CHRNA3: variants seen among roughly 807,000 people sequenced by gnomAD.
CHRNA3 encodes the protein cholinergic receptor nicotinic alpha 3 subunit.
A neutral mutation model predicts 41.9 loss-of-function variants in CHRNA3; 34 were observed. The observed-to-expected ratio is 0.81, with a 90% confidence interval of 0.62 to 1.08. The LOEUF is 1.08. Among genes scored for constraint, CHRNA3 ranks in the 50% least tolerant of loss-of-function variants. The probability of loss-of-function intolerance (pLI) is 0.00; values close to 1 mark genes in which losing one functional copy is unlikely to be tolerated. For missense variants in CHRNA3, 542 were observed against 638.3 expected, an observed-to-expected ratio of 0.85 and a Z score of 1.63; for synonymous variants, 281 against 265.2, an observed-to-expected ratio of 1.06 and a Z score of -0.58.
chr15:78,617,798 G>T (rs1227020443), intron 3 of CHRNA3, among the ~76,000 whole-genome samples: 1 of 152,200 alleles, frequency 6.6e-6, no homozygotes, highest in Admixed American at 6.5e-5. Context: ...TGGCAGAAGG[G>T]TCACCCGCAG....
At chr15:78,605,017 A>AGTC (rs10665331) in intron 4 of CHRNA3, among the ~76,000 whole-genome samples, 2 of 151,400 alleles carry the variant, frequency 1.3e-5, no homozygotes, top group Non-Finnish European at 1.5e-5. Flanking sequence ...TGTCTCAGTC[A>AGTC]ATCAATATCA....
chr15:78,595,070 C>A (rs1708536026), downstream of CHRNA3: 1 of 153,266 alleles, frequency 6.5e-6, no homozygotes, highest in Admixed American at 6.6e-5. Context: ...CAAGCCAATG[C>A]TCTTTGGAAG....
Position 78,596,058 on chromosome 15 carries a change from G to A in CHRNA3, c.*546C>T, listed in dbSNP as rs578776. 0.31 allele frequency: 303,440 copies of A among 980,552 alleles called. 51,406 individuals carry two copies. Among genetic ancestry groups the A allele is most frequent in the East Asian group, 0.79 (6,927 of 8,768 alleles). 60.7% of individuals were successfully genotyped at this position (980,552 alleles called of 1,614,324 possible). A position where few individuals can be genotyped will look rare whatever the true frequency, so the allele number is the denominator to read the frequency against. ...TGAATAACTAGGCATGATTTCTCAT[G>A]GTATAATTTAGAAGTATGCAAGAGA... On this transcript the variant is annotated 3_prime_UTR_variant, in exon 6 of 6. Transcript: ENST00000326828.
At chr15:78,615,916 A>G (rs2053454430) in intron 4 of CHRNA3, among the ~76,000 whole-genome samples, 2 of 148,752 alleles carry the variant, frequency 1.3e-5, no homozygotes, top group Admixed American at 7.0e-5. Context: ...AATTTTTTGT[A>G]TTTTTAGTAG....
rs1477287831 is a variant in CHRNA3, at chr15:78,595,979, CTGT to C, written c.*622_*624del. The C allele has an allele frequency of 2.3e-6, 2 of 882,572 alleles. No individual in the cohort carries two copies. The highest frequency in any genetic ancestry group is 1.8e-5 in the African/African-American group (1 of 54,788). The allele number at this position is 882,572 out of a possible 1,614,324, so 54.7% of individuals were successfully genotyped here. A position where few individuals can be genotyped will look rare whatever the true frequency, so the allele number is the denominator to read the frequency against. ...CCCAACCTCCAAAACTGAGAAGTTT[CTGT>C]TGTTTATAATCCACCCAGTTTATGG... On this transcript the variant is annotated 3_prime_UTR_variant, in exon 6 of 6. Transcript: ENST00000326828.
chr15:78,620,841 G>C lies in CHRNA3; in HGVS notation c.-47C>G. The stretch of plus-strand genomic sequence containing the variant: ...CGGACCCGGACGGTCGGGAGCGGGC[G>C]CGGCGGTCGCAGAGACGGCCTCTCC... On this transcript the variant is annotated 5_prime_UTR_variant, in exon 1 of 6. Transcript: ENST00000326828. 1 of 1,331,728 alleles carries C rather than the reference G, an allele frequency of 7.5e-7. No homozygotes were observed. The highest frequency in any genetic ancestry group is 9.5e-7 in the Non-Finnish European group (1 of 1,050,486). The allele number at this position is 1,331,728 out of a possible 1,614,324, so 82.5% of individuals were successfully genotyped here.
At chr15:78,620,398 G>GCAGGGCGACGGGCAGCGCGGGT in intron 1 of CHRNA3, 3 of 374,428 alleles carry the variant, frequency 8.0e-6, no homozygotes, top group Non-Finnish European at 9.4e-6. Context: ...GCAGCGCGGG[G>GCAGGGCGACGGGCAGCGCGGGT]ACGCGAATCC....
chr15:78,596,796 T>C, intron 5 of CHRNA3, 64 bp from the exon 6 acceptor site: 1 of 1,548,244 alleles, frequency 6.5e-7, no homozygotes, highest in Middle Eastern at 1.8e-4. Context: ...ACATTTTCAA[T>C]ACTGAAGATG....
chr15:78,615,549 G>T (rs187012093), intron 4 of CHRNA3, among the ~76,000 whole-genome samples: 3 of 152,146 alleles, frequency 2.0e-5, no homozygotes, highest in Non-Finnish European at 4.4e-5. Flanking sequence ...AAGCAAGCTG[G>T]TCACACAGCC....
At position 78,596,627 on chromosome 15, in the gene CHRNA3, G is replaced by A. The variant is rs200364229; in HGVS notation, c.1495C>T (p.Leu499=). 40 of 1,607,972 alleles carry A rather than the reference G, an allele frequency of 2.5e-5. No homozygotes were observed. Among genetic ancestry groups the A allele is most frequent in the Non-Finnish European group, 3.2e-5 (38 of 1,178,688 alleles). Residue 499 remains leucine (L), a synonymous_variant, in exon 6 of 6, where the codon CTG becomes TTG. Coordinates refer to ENST00000326828, the MANE Select transcript of CHRNA3 (RefSeq NM_000743.5). ...GCTTATGCATCTTCCCTGGCCATCAGGGGTTGCAGAAACAATCCTGCTGTC... is the reference window on the plus strand; with the variant it reads ...GCTTATGCATCTTCCCTGGCCATCAAGGGTTGCAGAAACAATCCTGCTGTC... ...LGTAGLFLQP[L]MAREDA is the part of the protein sequence containing the mutation.
At chr15:78,609,721 C>T (rs906084644) in intron 4 of CHRNA3, among the ~76,000 whole-genome samples, 1 of 152,172 alleles carries the variant, frequency 6.6e-6, no homozygotes, top group Non-Finnish European at 1.5e-5. Context: ...CAAATTCACA[C>T]ATAACAATAT....
chr15:78,616,367 CA>C (rs146600996), intron 4 of CHRNA3, among the ~76,000 whole-genome samples: 10 of 134,962 alleles, frequency 7.4e-5, no homozygotes, highest in African/African-American at 2.2e-4. Context: ...CCCACCCCCC[CA>C]AAAAAAAAGC....
intron 5 of CHRNA3, chr15:78,600,144 T>C (rs2053175594): frequency 6.6e-6 from 1 of 152,166 alleles, no homozygotes; most frequent in African/African-American, 2.4e-5. Context: ...TGCAGTGGCA[T>C]GATCACAGCT....
chr15:78,619,861 C>T (rs4366683), intron 1 of CHRNA3: 85,786 of 151,754 alleles, frequency 0.57, 24,728 homozygotes, highest in Middle Eastern at 0.74. Context: ...TCCTGCTCCC[C>T]ACTCTCCTTC....
In CHRNA3 at chr15:78,620,836, C is replaced by T. The variant is rs1226395175; in HGVS notation, c.-42G>A. The T allele has an allele frequency of 5.2e-6, 7 of 1,334,012 alleles. No homozygotes were observed. In the Admixed American group the frequency reaches 1.2e-4, roughly 24 times the overall value. The allele number at this position is 1,334,012 out of a possible 1,614,324, so 82.6% of individuals were successfully genotyped here. A position where few individuals can be genotyped will look rare whatever the true frequency, so the allele number is the denominator to read the frequency against. ...GGCCGCGGACCCGGACGGTCGGGAG[C>T]GGGCGCGGCGGTCGCAGAGACGGCC... On this transcript the variant is annotated 5_prime_UTR_variant, in exon 1 of 6. Transcript: ENST00000326828.
At chr15:78,618,508 G>T in intron 3 of CHRNA3, 109 bp downstream of exon 3, 1 of 1,303,000 alleles carries the variant, frequency 7.7e-7, no homozygotes, top group Non-Finnish European at 1.1e-6. Context: ...CCCAATCTGG[G>T]TTCCACAGAA....
In CHRNA3 at chr15:78,602,142, G is replaced by A. The variant is rs72648887; in HGVS notation, c.500C>T (p.Pro167Leu). The A allele has an allele frequency of 9.3e-6, 15 of 1,614,092 alleles. No individual in the cohort carries two copies. Among genetic ancestry groups the A allele is most frequent in the East Asian group, 4.5e-5 (2 of 44,868 alleles). ...CATGGTACAGTTTTGGTAATCAAAC[G>A]GGAAGTAGGTCACGTCGATTTTACA... ...SSCKIDVTYF[P>L]FDYQNCTMKF... The change falls in exon 5 of 6, where the codon CCG (proline) becomes CTG (leucine). Residue 167 changes from proline (P) to leucine (L), a missense_variant. Pro to Leu is a moderately conservative substitution (Grantham distance 98). Coordinates refer to ENST00000326828, the MANE Select transcript of CHRNA3 (RefSeq NM_000743.5).
rs538411713 is a variant in CHRNA3 at position 78,609,702 on chromosome 15, T to C, written c.377+7322A>G. On this transcript the variant is annotated intron_variant, in intron 4 of 5. Coordinates refer to ENST00000326828, the MANE Select transcript of CHRNA3 (RefSeq NM_000743.5). ...GCAAAATCACCAGCTAACATAATAATGACAGGACCAAATTCACACATAACA... is the reference window on the plus strand; with the variant it reads ...GCAAAATCACCAGCTAACATAATAACGACAGGACCAAATTCACACATAACA... Among the ~76,000 whole-genome samples the C allele has an allele frequency of 9.3e-4, 142 of 152,246 alleles. No individual in the cohort carries two copies. The Middle Eastern group carries it at 0.014, about 15-fold the overall frequency.
intron 4 of CHRNA3, among the ~76,000 whole-genome samples, chr15:78,609,787 T>A (rs1010271778): frequency 1.3e-5 from 2 of 151,988 alleles, no homozygotes; most frequent in Non-Finnish European, 2.9e-5. Context: ...GACTAGCAAA[T>A]TGGATAAAGA....
Sources: gnomAD v4.1 joint callset for allele counts (sites outside exome capture counted in the v4.1 genomes callset) on GRCh38, gnomAD v4.1.1 for gene constraint, MANE v1.5 for transcripts, NCBI Gene and HGNC (gene_info 2026-07-23, HGNC 2026-07-21) for gene names.